CEP131: variants seen among roughly 807,000 people sequenced by gnomAD.
The protein encoded by CEP131 is centrosomal protein of 131 kDa.
A neutral mutation model predicts 136.8 loss-of-function variants in CEP131; 99 were observed. The ratio of observed to expected loss-of-function variants is 0.72; its 90% CI spans 0.62 to 0.86. CEP131 has a LOEUF of 0.86. Among genes scored for constraint, CEP131 ranks in the 40% least tolerant of loss-of-function variants. The probability of loss-of-function intolerance (pLI) is 0.00; values close to 1 mark genes in which losing one functional copy is unlikely to be tolerated. For missense variants in CEP131, 1,459 were observed against 1,463.0 expected, an observed-to-expected ratio of 1.00 and a Z score of 0.04; for synonymous variants, 646 against 612.7, an observed-to-expected ratio of 1.05 and a Z score of -0.80.
chr17:81,193,962 GCCT>G lies in CEP131; in HGVS notation c.2282_2284del (p.Glu761del). On this transcript the variant is annotated inframe_deletion, in exon 18 of 26. Transcript: ENST00000450824. ...ACGTTCGCGCTCCTGCTGGCCCAGCGCCTCCTTCTCCCGCTCCAGCTGCTCCCG... is the reference window on the plus strand; with the variant it reads ...ACGTTCGCGCTCCTGCTGGCCCAGCGCCTTCTCCCGCTCCAGCTGCTCCCG... 1 of 1,543,182 alleles carries G rather than the reference GCCT, an allele frequency of 6.5e-7. No homozygotes were observed.
Position 81,191,104 on chromosome 17 carries a change from AG to A in CEP131, c.2766-21del. The A allele has an allele frequency of 6.3e-7, 1 of 1,599,760 alleles. No individual in the cohort carries two copies. The highest frequency in any genetic ancestry group is 2.2e-5 in the East Asian group (1 of 44,648). On this transcript the variant is annotated intron_variant, in intron 22 of 25. Transcript: ENST00000450824. ...TTGATGCTGGAGGTGGGGGGAGGGC[AG>A]GGTCACTCCAGCCCAGTCACACACG...
chr17:81,220,845 G>A (rs1004640129), intron 1 of CEP131, among the ~76,000 whole-genome samples: 5 of 151,766 alleles, frequency 3.3e-5, no homozygotes, highest in African/African-American at 1.2e-4. Context: ...CGTGTTGGCC[G>A]GGCACAGTGG....
intron 2 of CEP131, among the ~76,000 whole-genome samples, chr17:81,210,891 A>G (rs901712200): frequency 6.6e-6 from 1 of 151,314 alleles, no homozygotes; most frequent in Admixed American, 6.6e-5. Flanking sequence ...AGGACACCCC[A>G]ATCACTTGTT....
intron 18 of CEP131, 45 bp from the exon 19 acceptor site, chr17:81,192,888 T>G (rs1403432501): frequency 6.4e-7 from 1 of 1,569,572 alleles, no homozygotes. Context: ...GGACGGGCGG[T>G]CCCAGGACCC....
At position 81,191,200 on chromosome 17, in the gene CEP131, C is replaced by T. The variant is rs577025986; in HGVS notation, c.2758G>A (p.Glu920Lys). 9.3e-6 allele frequency: 15 copies of T among 1,611,934 alleles called. No individual in the cohort carries two copies. The East Asian group carries it at 1.6e-4, about 17-fold the overall frequency. Residue 920 changes from glutamate to lysine, a missense_variant, in exon 22 of 26, where the codon GAG (glutamate) becomes AAG (lysine). By Grantham distance (56) the Glu-to-Lys change is moderately conservative. This residue lies in a region of CEP131 where 1,026 missense variants were observed against 964.2 expected (regional missense o/e 1.06). Coordinates refer to ENST00000450824, the MANE Select transcript of CEP131 (RefSeq NM_014984.4). ...GCCATGGCGGGTCCTTACCGGCTCTCGGCAGCCTTCTCACTCTCCTCCTTG... is the reference window on the plus strand; with the variant it reads ...GCCATGGCGGGTCCTTACCGGCTCTTGGCAGCCTTCTCACTCTCCTCCTTG... ...LAKEESEKAA[E>K]SRIKRLRDKY...
chr17:81,202,201 T>C, intron 7 of CEP131, 39 bp downstream of exon 7: 1 of 1,166,910 alleles, frequency 8.6e-7, no homozygotes. Context: ...CTCTGTGTTC[T>C]AGGCTCAGGC....
rs373484154 is a variant in CEP131 at position 81,197,692 on chromosome 17, G to T, written c.1647+20C>A. 244 of 1,598,452 alleles carry T rather than the reference G, an allele frequency of 1.5e-4. 1 individual carries two copies. In the African/African-American group the frequency reaches 3.0e-3, roughly 20 times the overall value. Reference sequence around the variant, plus strand: ...GGCCTCCTCCCACTGGGGGCCGGGTGCGGGCTGGTGAGGGGCCACCTCCTG... The same window carrying T: ...GGCCTCCTCCCACTGGGGGCCGGGTTCGGGCTGGTGAGGGGCCACCTCCTG... On this transcript the variant is annotated intron_variant, in intron 13 of 25. Transcript: ENST00000450824.
chr17:81,194,398 G>A (rs543496451), intron 17 of CEP131, among the ~76,000 whole-genome samples: 92 of 152,190 alleles, frequency 6.0e-4, no homozygotes, highest in Non-Finnish European at 1.0e-3. Flanking sequence ...CCTGGCAGGT[G>A]TCCAGAGCGA....
intron 1 of CEP131, among the ~76,000 whole-genome samples, chr17:81,222,165 T>A (rs772159742): frequency 2.0e-5 from 3 of 152,136 alleles, no homozygotes; most frequent in Non-Finnish European, 2.9e-5. Context: ...ACGGGGCCTC[T>A]CCATGGAAAC....
chr17:81,197,960 T>C, intron 12 of CEP131, 72 bp from the exon 13 acceptor site: 5 of 1,557,468 alleles, frequency 3.2e-6, no homozygotes, highest in Non-Finnish European at 4.3e-6. Flanking sequence ...AAGGCAGAGG[T>C]GGCAGCTGAG....
In CEP131 at chr17:81,191,258, G is replaced by T. The variant is rs750732895; in HGVS notation, c.2700C>A (p.Val900=). 3 of 1,613,380 alleles carry T rather than the reference G, an allele frequency of 1.9e-6. No homozygotes were observed. Among genetic ancestry groups the T allele is most frequent in the Admixed American group, 3.3e-5 (2 of 60,006 alleles). The change falls in exon 22 of 26, where the codon GTC becomes GTA. Residue 900 remains valine (V), a synonymous_variant. Coordinates refer to ENST00000450824, the MANE Select transcript of CEP131 (RefSeq NM_014984.4). ...RKGRDKEIEL[V]IHRLEADMAL... ...CCATGTCGGCCTCCAGCCGGTGAAT[G>T]ACCAGCTCAATCTCCTTGTCCCGGC...
chr17:81,213,934 C>T (rs978193126), intron 2 of CEP131, among the ~76,000 whole-genome samples: 1 of 152,184 alleles, frequency 6.6e-6, no homozygotes, highest in African/African-American at 2.4e-5. Context: ...AACAGGGGGC[C>T]ATTCTGTAAA....
At chr17:81,206,667 C>G (rs1046241168) in intron 5 of CEP131, 77 bp downstream of exon 5, 1 of 1,511,518 alleles carries the variant, frequency 6.6e-7, no homozygotes, top group African/African-American at 1.4e-5. Flanking sequence ...GAGCCATAAA[C>G]AAGACAAAGA....
At chr17:81,193,335 A>C (rs931393424) in intron 18 of CEP131, among the ~76,000 whole-genome samples, 5 of 152,188 alleles carry the variant, frequency 3.3e-5, no homozygotes, top group Non-Finnish European at 7.4e-5. Flanking sequence ...GCCAAGCTGC[A>C]TCTGGGGAGG....
intron 2 of CEP131, among the ~76,000 whole-genome samples, chr17:81,210,290 C>T (rs994912847): frequency 6.6e-6 from 1 of 152,062 alleles, no homozygotes; most frequent in African/African-American, 2.4e-5. Context: ...AGATGGAGAC[C>T]GCCGGGCGCG....
rs774144531 is a variant in CEP131, at chr17:81,206,818, G to T, written c.441C>A (p.Ala147=). The T allele has an allele frequency of 5.6e-6, 9 of 1,613,982 alleles. No individual in the cohort carries two copies. The South Asian group carries it at 9.9e-5, about 18-fold the overall frequency. The change falls in exon 5 of 26, where the codon GCC becomes GCA. Residue 147 remains alanine (A), a synonymous_variant. Coordinates refer to ENST00000450824, the MANE Select transcript of CEP131 (RefSeq NM_014984.4). ...TCCGCGGGCCCGCTGGTGAGTCAAG[G>T]GCACTGGAACTCCGGGCATTGGATG... ...TLPSNARSSS[A]LDSPAGPRRK...
rs1350152137 is a variant in CEP131 at position 81,219,587 on chromosome 17, C to T, written c.177+293G>A. On this transcript the variant is annotated intron_variant, in intron 2 of 25. Transcript: ENST00000450824. The surrounding 1 kb of genome is among the most constrained non-coding windows in gnomAD (Gnocchi z 4.0). Reference sequence around the variant, plus strand: ...TGCTGAGATTACAGGCGTGAGCCACCGAGCCCAGCCAACCCCATTTCCTGA... The same window carrying T: ...TGCTGAGATTACAGGCGTGAGCCACTGAGCCCAGCCAACCCCATTTCCTGA... 3.9e-5 allele frequency among the ~76,000 whole-genome samples: 6 copies of T among 152,138 alleles called. No homozygotes were observed. The highest frequency in any genetic ancestry group is 1.9e-4 in the East Asian group (1 of 5,194).
rs945602344 is a variant in CEP131, at chr17:81,199,817, C to G, written c.925G>C (p.Gly309Arg). The part of the protein sequence containing the change: ...AKREEQRQRS[G>R]EGTLLDLHQQ... ...TGCAGGTCCAAGAGGGTCCCCTCGC[C>G]TGACCGCTGCCGCTGCTCCTGCCAA... Residue 309 changes from glycine to arginine, a missense_variant, in exon 9 of 26, where the codon GGC (glycine) becomes CGC (arginine). This residue lies in a region of CEP131 where 246 missense variants were observed against 318.9 expected (regional missense o/e 0.77). Transcript: ENST00000450824. 1.2e-6 allele frequency: 2 copies of G among 1,611,236 alleles called. No homozygotes were observed. The highest frequency in any genetic ancestry group is 2.7e-5 in the African/African-American group (2 of 74,952).
chr17:81,203,423 C>T lies in CEP131; in HGVS notation c.629+71G>A. 2 of 1,288,634 alleles carry T rather than the reference C, an allele frequency of 1.6e-6. No homozygotes were observed. Among genetic ancestry groups the T allele is most frequent in the Non-Finnish European group, 2.2e-6 (2 of 921,422 alleles). The allele number at this position is 1,288,634 out of a possible 1,614,324, so 79.8% of individuals were successfully genotyped here. A position where few individuals can be genotyped will look rare whatever the true frequency, so the allele number is the denominator to read the frequency against. The stretch of plus-strand genomic sequence containing the variant: ...GCGTGCCCTGACCGAGGTCGGACCC[C>T]AGGTGCACTGACTACATGCCCTAAC... On this transcript the variant is annotated intron_variant, in intron 6 of 25. Transcript: ENST00000450824. This position sits in a 1 kb window ranked among gnomAD's most constrained non-coding sequence, Gnocchi z 4.6.
Sources: allele counts gnomAD v4.1 joint callset (sites outside exome capture counted in the v4.1 genomes callset), GRCh38; gene constraint gnomAD v4.1.1; regional missense constraint gnomAD v4.1.1; non-coding constraint Gnocchi (gnomAD v3.1); transcripts MANE v1.5; gene names NCBI Gene and HGNC (gene_info 2026-07-23, HGNC 2026-07-21).